Variants in CDH13 observed in about 807,000 individuals in gnomAD.
The protein encoded by CDH13 is cadherin-13.
CDH13 carries 24 observed loss-of-function variants against 63.8 expected under a neutral mutation model. The ratio of observed to expected loss-of-function variants is 0.38; its 90% CI spans 0.27 to 0.53. The LOEUF (loss-of-function observed/expected upper bound fraction) is 0.53, where lower values mean the gene tolerates loss of function less well. Among genes scored for constraint, CDH13 ranks in the 20% least tolerant of loss-of-function variants. The pLI, the probability that CDH13 is intolerant of heterozygous loss-of-function variation, is 0.85. For missense variants in CDH13, 1,049 were observed against 903.1 expected, an observed-to-expected ratio of 1.16 and a Z score of -2.07; for synonymous variants, 503 against 355.3, an observed-to-expected ratio of 1.42 and a Z score of -4.67.
chr16:83,704,253 A>G (rs1403868747), intron 10 of CDH13, among the ~76,000 whole-genome samples: 1 of 152,228 alleles, frequency 6.6e-6, no homozygotes, highest in Non-Finnish European at 1.5e-5. Context: ...GTTTTCATTC[A>G]GTCAGGTTAG....
chr16:82,872,453 C>T (rs995287399), intron 2 of CDH13, among the ~76,000 whole-genome samples: 2 of 152,162 alleles, frequency 1.3e-5, no homozygotes, highest in African/African-American at 4.8e-5. Context: ...GGAGCATCTC[C>T]TAATTTAAGG....
chr16:83,443,722 A>G (rs1354189990), intron 6 of CDH13, among the ~76,000 whole-genome samples: 3 of 80,114 alleles, frequency 3.7e-5, no homozygotes, highest in African/African-American at 6.7e-5. Context: ...AAAAAAAAAA[A>G]AAAAAAAAAA....
At chr16:83,752,146 T>A (rs534948271) in intron 11 of CDH13, among the ~76,000 whole-genome samples, 15 of 152,352 alleles carry the variant, frequency 9.8e-5, no homozygotes, top group African/African-American at 3.6e-4. Flanking sequence ...TGTAGAAGTA[T>A]CTGTATCTGT....
intron 7 of CDH13, among the ~76,000 whole-genome samples, chr16:83,531,630 A>G (rs779648099): frequency 5.3e-5 from 8 of 152,184 alleles, no homozygotes; most frequent in Non-Finnish European, 8.8e-5. Flanking sequence ...AAATGTCCCT[A>G]CAAGAGGGAG....
intron 1 of CDH13, among the ~76,000 whole-genome samples, chr16:82,742,678 A>G (rs1027775271): frequency 6.6e-6 from 1 of 152,338 alleles, no homozygotes; most frequent in Middle Eastern, 3.4e-3. Context: ...ATAAAGGAAG[A>G]TAAAGTAGGA....
chr16:82,929,782 A>C (rs974234748), intron 2 of CDH13, among the ~76,000 whole-genome samples: 6 of 151,824 alleles, frequency 4.0e-5, no homozygotes, highest in Middle Eastern at 3.4e-3. Flanking sequence ...ATAAGAAATA[A>C]ATTTCTGCTG....
At chr16:82,950,807 C>CTTTTTTTT (rs67534843) in intron 2 of CDH13, among the ~76,000 whole-genome samples, 2 of 132,138 alleles carry the variant, frequency 1.5e-5, no homozygotes, top group African/African-American at 2.8e-5. Flanking sequence ...ACTCCCACAT[C>CTTTTTTTT]TTTTTTTTTT....
chr16:83,661,941 G>T (rs967753163), intron 8 of CDH13, among the ~76,000 whole-genome samples: 2 of 152,188 alleles, frequency 1.3e-5, no homozygotes, highest in Non-Finnish European at 2.9e-5. Flanking sequence ...GAGGTTGAGG[G>T]ATGCTTCATT....
At chr16:82,888,386 T>C (rs1363106853) in intron 2 of CDH13, among the ~76,000 whole-genome samples, 2 of 152,168 alleles carry the variant, frequency 1.3e-5, no homozygotes, top group African/African-American at 4.8e-5. Flanking sequence ...AAGTTCTTCT[T>C]CTCTGGAGGC....
intron 2 of CDH13, among the ~76,000 whole-genome samples, chr16:82,982,452 G>A (rs934935846): frequency 6.6e-5 from 10 of 151,338 alleles, no homozygotes; most frequent in East Asian, 1.9e-4. Context: ...CTAAAGTGTC[G>A]GCAGAGCCAT....
At chr16:83,210,116 G>T (rs2039299043) in intron 4 of CDH13, among the ~76,000 whole-genome samples, 1 of 151,076 alleles carries the variant, frequency 6.6e-6, no homozygotes, top group Admixed American at 6.6e-5. Context: ...CCAGGCTAGA[G>T]TGCAGTGGTG....
chr16:83,735,463 G>A (rs891707588), intron 10 of CDH13: 1 of 151,810 alleles, frequency 6.6e-6, no homozygotes, highest in African/African-American at 2.4e-5. Flanking sequence ...AATAATAATT[G>A]TATATATTTA....
intron 5 of CDH13, among the ~76,000 whole-genome samples, chr16:83,278,420 G>A (rs913727197): frequency 2.0e-5 from 3 of 152,316 alleles, no homozygotes; most frequent in African/African-American, 7.2e-5. Context: ...TAGCAGTATT[G>A]TGGTAAAGGT....
intron 6 of CDH13, among the ~76,000 whole-genome samples, chr16:83,367,242 G>C (rs182056686): frequency 6.6e-6 from 1 of 152,158 alleles, no homozygotes; most frequent in Admixed American, 6.5e-5. Context: ...CCTTTTGTGT[G>C]TCTTCTTTCA....
At chr16:82,998,181 T>G (rs1912460098) in intron 2 of CDH13, among the ~76,000 whole-genome samples, 1 of 152,198 alleles carries the variant, frequency 6.6e-6, no homozygotes, top group Admixed American at 6.5e-5. Context: ...CATACAGACC[T>G]TCCTAAGATC....
At chr16:83,583,021 A>C (rs985690648) in intron 7 of CDH13, among the ~76,000 whole-genome samples, 1 of 152,154 alleles carries the variant, frequency 6.6e-6, no homozygotes, top group Admixed American at 6.5e-5. Flanking sequence ...GTCCAAAATC[A>C]AAGTGTTGGT....
intron 2 of CDH13, among the ~76,000 whole-genome samples, chr16:83,014,372 G>T (rs960464325): frequency 6.8e-6 from 1 of 147,592 alleles, no homozygotes; most frequent in Non-Finnish European, 1.5e-5. Flanking sequence ...TTTAACTGAC[G>T]TTTCATTTGA....
At chr16:83,597,420 G>A (rs1907371692) in intron 7 of CDH13, among the ~76,000 whole-genome samples, 1 of 152,180 alleles carries the variant, frequency 6.6e-6, no homozygotes. Context: ...TTACTTTGAT[G>A]AAATGTGTGT....
At chr16:83,691,400 G>T (rs568322610) in intron 10 of CDH13, among the ~76,000 whole-genome samples, 1 of 152,274 alleles carries the variant, frequency 6.6e-6, no homozygotes, top group East Asian at 1.9e-4. Context: ...GATCCCCAAA[G>T]AGGGAAGTGA....
Sources: gnomAD v4.1 joint callset for allele counts (sites outside exome capture counted in the v4.1 genomes callset) on GRCh38, gnomAD v4.1.1 for gene constraint, MANE v1.5 for transcripts, NCBI Gene and HGNC (gene_info 2026-07-23, HGNC 2026-07-21) for gene names.